CLNK: variants seen among roughly 807,000 people sequenced by gnomAD.
CLNK encodes the protein cytokine-dependent hematopoietic cell linker.
Under a neutral mutation model 68.6 loss-of-function variants are expected in CLNK, and 74 were observed. The observed-to-expected ratio is 1.08, with a 90% CI of 0.89 to 1.31. The LOEUF (loss-of-function observed/expected upper bound fraction) is 1.31, where lower values mean the gene tolerates loss of function less well. Among genes scored for constraint, CLNK ranks in the 50% most tolerant of loss-of-function variants. The pLI, the probability that CLNK is intolerant of heterozygous loss-of-function variation, is 0.00. For missense variants in CLNK, 553 were observed against 515.3 expected, an observed-to-expected ratio of 1.07 and a Z score of -0.71; for synonymous variants, 198 against 172.2, an observed-to-expected ratio of 1.15 and a Z score of -1.17.
the CLNK span, among the ~76,000 whole-genome samples, chr4:10,690,497 C>T: frequency 1.3e-5 from 2 of 152,140 alleles, no homozygotes; most frequent in South Asian, 2.1e-4. Flanking sequence ...TTCTTTACCT[C>T]TCCCAATTCT....
chr4:10,541,777 T>C (rs540582616), intron 10 of CLNK, among the ~76,000 whole-genome samples: 140 of 151,976 alleles, frequency 9.2e-4, no homozygotes, highest in African/African-American at 3.2e-3. Context: ...CATTGAGAAA[T>C]GAGTGAAGGT....
At chr4:10,605,602 G>A (rs1458785249) in intron 2 of CLNK, among the ~76,000 whole-genome samples, 2 of 151,996 alleles carry the variant, frequency 1.3e-5, no homozygotes, top group African/African-American at 4.8e-5. Flanking sequence ...GGCCAAGGTG[G>A]GTAGATCATA....
intron 2 of CLNK, among the ~76,000 whole-genome samples, chr4:10,629,464 T>G (rs185077452): frequency 6.6e-6 from 1 of 152,190 alleles, no homozygotes; most frequent in African/African-American, 2.4e-5. Flanking sequence ...TGTTCACAGA[T>G]GAGGCCCCCT....
chr4:10,507,909 C>A (rs746840573), intron 17 of CLNK, 50 bp downstream of exon 17: 2 of 1,386,148 alleles, frequency 1.4e-6, no homozygotes, highest in Non-Finnish European at 1.0e-6. Flanking sequence ...AGCAGAGAAC[C>A]TTAAGATGCC....
intron 8 of CLNK, among the ~76,000 whole-genome samples, chr4:10,545,118 C>A (rs775926600): frequency 2.0e-5 from 3 of 152,104 alleles, no homozygotes; most frequent in Non-Finnish European, 4.4e-5. Flanking sequence ...CCTGGTTCAC[C>A]GAAATGCATG....
chr4:10,580,444 T>G (rs1397370217), intron 4 of CLNK, among the ~76,000 whole-genome samples: 1 of 152,192 alleles, frequency 6.6e-6, no homozygotes, highest in Non-Finnish European at 1.5e-5. Flanking sequence ...GCAGGCCCTT[T>G]CGGAGGGATT....
At chr4:10,630,150 T>G (rs1032492429) in intron 2 of CLNK, among the ~76,000 whole-genome samples, 21 of 152,260 alleles carry the variant, frequency 1.4e-4, no homozygotes, top group African/African-American at 4.8e-4. Flanking sequence ...GATTCCTCAG[T>G]CTTGTGGACA....
At chr4:10,682,186 G>C (rs1358086963) in intron 1 of CLNK, among the ~76,000 whole-genome samples, 4 of 151,830 alleles carry the variant, frequency 2.6e-5, no homozygotes, top group Non-Finnish European at 5.9e-5. Flanking sequence ...CTAACCTGAT[G>C]CTTCTCAGTT....
At chr4:10,641,569 C>G (rs906182870) in intron 2 of CLNK, among the ~76,000 whole-genome samples, 1 of 152,288 alleles carries the variant, frequency 6.6e-6, no homozygotes, top group Admixed American at 6.5e-5. Context: ...GAGATGTATT[C>G]CCCCAGTTGC....
At chr4:10,567,361 G>C (rs1720163652) in intron 5 of CLNK, among the ~76,000 whole-genome samples, 1 of 152,180 alleles carries the variant, frequency 6.6e-6, no homozygotes, top group South Asian at 2.1e-4. Flanking sequence ...TCAACAGATA[G>C]TCCTAGGACA....
chr4:10,626,398 C>G (rs950544760), intron 2 of CLNK, among the ~76,000 whole-genome samples: 1 of 152,170 alleles, frequency 6.6e-6, no homozygotes, highest in African/African-American at 2.4e-5. Context: ...CTCTGATTCT[C>G]TTGAATGTCA....
chr4:10,698,172 T>C, the CLNK span, among the ~76,000 whole-genome samples: 2 of 152,180 alleles, frequency 1.3e-5, no homozygotes, highest in African/African-American at 2.4e-5. Context: ...GTCTGTAAAT[T>C]GGAAGCCTCT....
At chr4:10,510,162 G>C (rs374635615) in intron 16 of CLNK, among the ~76,000 whole-genome samples, 1 of 152,272 alleles carries the variant, frequency 6.6e-6, no homozygotes, top group East Asian at 1.9e-4. Flanking sequence ...AGGGATGGCT[G>C]GTGAGTGTGG....
intron 8 of CLNK, among the ~76,000 whole-genome samples, chr4:10,545,180 C>A (rs1472741194): frequency 1.3e-5 from 2 of 152,154 alleles, no homozygotes; most frequent in Non-Finnish European, 2.9e-5. Flanking sequence ...ATTCTTAACT[C>A]ATTCCACTAC....
At chr4:10,527,511 G>A (rs1718366084) in intron 13 of CLNK, among the ~76,000 whole-genome samples, 2 of 152,198 alleles carry the variant, frequency 1.3e-5, no homozygotes, top group Non-Finnish European at 1.5e-5. Flanking sequence ...TGTGATGCAG[G>A]CCCTTTGGCT....
chr4:10,555,845 TG>T (rs35458948), intron 8 of CLNK, among the ~76,000 whole-genome samples: 31,606 of 151,954 alleles, frequency 0.21, 3,391 homozygotes, highest in Middle Eastern at 0.27. Flanking sequence ...GATCCTAAAA[TG>T]GGGGGGGCAT....
At chr4:10,579,871 C>T (rs1720711453) in intron 4 of CLNK, among the ~76,000 whole-genome samples, 1 of 152,140 alleles carries the variant, frequency 6.6e-6, no homozygotes, top group African/African-American at 2.4e-5. Context: ...CAGTTTTATT[C>T]ACGGGCTACA....
At chr4:10,606,297 C>T (rs1721783977) in intron 2 of CLNK, among the ~76,000 whole-genome samples, 2 of 152,288 alleles carry the variant, frequency 1.3e-5, no homozygotes, top group South Asian at 4.1e-4. Flanking sequence ...TCACTACCTG[C>T]CGCCCCAACA....
At chr4:10,493,543 G>A (rs1349061465) in intron 18 of CLNK, among the ~76,000 whole-genome samples, 1 of 152,100 alleles carries the variant, frequency 6.6e-6, no homozygotes, top group Non-Finnish European at 1.5e-5. Context: ...CCACCTTCAA[G>A]ACCAAATCAC....
Sources: gnomAD v4.1 joint callset for allele counts (sites outside exome capture counted in the v4.1 genomes callset) on GRCh38, gnomAD v4.1.1 for gene constraint, MANE v1.5 for transcripts, NCBI Gene and HGNC (gene_info 2026-07-23, HGNC 2026-07-21) for gene names.